Variants in URI1 observed in about 807,000 individuals in gnomAD.
The protein encoded by URI1 is URI1 prefoldin like chaperone, also known as unconventional prefoldin RPB5 interactor 1.
URI1 carries 39 observed loss-of-function variants against 60.2 expected under a neutral mutation model. The observed-to-expected ratio is 0.65, with a 90% CI of 0.50 to 0.85. URI1 has a LOEUF of 0.85. Among genes scored for constraint, URI1 ranks in the 40% least tolerant of loss-of-function variants. The pLI, the probability that URI1 is intolerant of heterozygous loss-of-function variation, is 0.00. For missense variants in URI1, 691 were observed against 665.9 expected (o/e 1.04, Z -0.42); for synonymous variants, 251 against 236.8 (o/e 1.06, Z -0.55).
At chr19:29,975,062 T>C (rs1314956181) in intron 2 of URI1, among the ~76,000 whole-genome samples, 4 of 152,040 alleles carry the variant, frequency 2.6e-5, no homozygotes, top group Non-Finnish European at 1.5e-5. Context: ...TGTATCTTTT[T>C]GGCAGAATGC....
intron 4 of URI1, among the ~76,000 whole-genome samples, chr19:29,994,990 C>T (rs977867215): frequency 1.3e-5 from 2 of 152,004 alleles, no homozygotes; most frequent in African/African-American, 4.8e-5. Context: ...CCATGTTGGC[C>T]AGGCTGATCT....
At chr19:29,962,402 C>T (rs1262087266) in intron 1 of URI1, among the ~76,000 whole-genome samples, 4 of 123,462 alleles carry the variant, frequency 3.2e-5, no homozygotes, top group African/African-American at 3.0e-5. Flanking sequence ...TTTATAGTAT[C>T]TTTTTTTTTT....
intron 10 of URI1, 47 bp from the exon 11 acceptor site, chr19:30,014,840 G>T: frequency 1.3e-6 from 2 of 1,526,214 alleles, no homozygotes; most frequent in Non-Finnish European, 8.9e-7. Context: ...GATTTTGTGG[G>T]TGTCTTATTT....
upstream of URI1, chr19:29,942,163 G>C: frequency 1.0e-6 from 1 of 966,394 alleles, no homozygotes; most frequent in East Asian, 1.1e-4. Flanking sequence ...TCCCCTGGGG[G>C]CGGGGCCTGC....
rs1204354808 is a variant in URI1, at chr19:30,005,663, A to T, written c.472A>T (p.Ile158Phe). Residue 158 changes from isoleucine to phenylalanine, a missense_variant, in exon 6 of 11, where the codon ATT (isoleucine) becomes TTT (phenylalanine). By Grantham distance (21) the Ile-to-Phe change is conservative. Transcript: ENST00000392271. ...LQKMSDAAGD[I>F]VDIREEIKCD... The stretch of plus-strand genomic sequence containing the variant: ...GTTTAAAAACCAGGCTGCAGGTGAT[A>T]TTGTTGACATACGAGAAGAAATTAA... 6.2e-7 allele frequency: 1 copy of T among 1,611,752 alleles called. No individual in the cohort carries two copies. The highest frequency in any genetic ancestry group is 8.5e-7 in the Non-Finnish European group (1 of 1,179,082).
chr19:29,968,412 T>C (rs1337381437), intron 1 of URI1, among the ~76,000 whole-genome samples: 1 of 152,102 alleles, frequency 6.6e-6, no homozygotes, highest in Non-Finnish European at 1.5e-5. Context: ...CGCTGCCTTA[T>C]GGTTACTTTT....
chr19:29,949,897 A>G lies in URI1; in HGVS notation c.117+7233A>G, dbSNP rs1340200079. On this transcript the variant is annotated intron_variant, in intron 1 of 10. Coordinates refer to ENST00000392271, the MANE Select transcript of URI1 (RefSeq NM_003796.3). ...TTCGGCTTGGCATCAGAGGGAGACC[A>G]TGGAGACAGAGGGAGAGGGAGACTG... Among the ~76,000 whole-genome samples the G allele has an allele frequency of 4.7e-5, 7 of 149,380 alleles. No homozygotes were observed. In the East Asian group the frequency reaches 8.3e-4, roughly 18 times the overall value.
chr19:29,957,051 A>C (rs1478001939), intron 1 of URI1: 1 of 564,544 alleles, frequency 1.8e-6, no homozygotes, highest in African/African-American at 1.9e-5. Flanking sequence ...TGCAAATTGG[A>C]TGATGTCATT....
At chr19:29,930,234 C>T (rs1002953647) in intron 1 of URI1, among the ~76,000 whole-genome samples, 4 of 152,150 alleles carry the variant, frequency 2.6e-5, no homozygotes, top group South Asian at 4.1e-4. Context: ...CCAATGAGCC[C>T]GGTTGATAGT....
intron 2 of URI1, among the ~76,000 whole-genome samples, chr19:29,978,850 A>ATATT (rs1467561098): frequency 6.6e-6 from 1 of 152,132 alleles, no homozygotes; most frequent in African/African-American, 2.4e-5. Context: ...AGGTTTTTAA[A>ATATT]TATTTGGTAG....
chr19:29,963,454 C>A (rs2055351430), intron 1 of URI1, among the ~76,000 whole-genome samples: 3 of 152,044 alleles, frequency 2.0e-5, no homozygotes, highest in South Asian at 4.1e-4. Flanking sequence ...CTGTAGATTT[C>A]AGTTCTCTAG....
chr19:29,943,994 C>T (rs575823728), intron 1 of URI1, among the ~76,000 whole-genome samples: 58 of 149,976 alleles, frequency 3.9e-4, no homozygotes, highest in African/African-American at 1.3e-3. Context: ...AAAAATTAGC[C>T]GGGCCATGGT....
intron 1 of URI1, among the ~76,000 whole-genome samples, chr19:29,961,513 T>A (rs1329501086): frequency 6.6e-6 from 1 of 152,146 alleles, no homozygotes; most frequent in Non-Finnish European, 1.5e-5. Context: ...CTGAATAATA[T>A]TCCATTGTAT....
intron 4 of URI1, among the ~76,000 whole-genome samples, chr19:30,003,856 A>G (rs2055906753): frequency 6.6e-6 from 1 of 152,082 alleles, no homozygotes; most frequent in African/African-American, 2.4e-5. Flanking sequence ...CCTCCTACCT[A>G]AAATAATGTT....
chr19:29,987,006 C>G (rs535692304), intron 4 of URI1, among the ~76,000 whole-genome samples: 8 of 152,046 alleles, frequency 5.3e-5, no homozygotes, highest in African/African-American at 1.9e-4. Flanking sequence ...TTTGTTTATC[C>G]GTGCTATTAT....
At chr19:29,980,612 T>TTAAA (rs1555742250) in intron 2 of URI1, among the ~76,000 whole-genome samples, 1 of 73,860 alleles carries the variant, frequency 1.4e-5, no homozygotes, top group Non-Finnish European at 2.2e-5. Context: ...TTTTTTTTCT[T>TTAAA]AAAAAAAAAA....
chr19:29,949,646 G>A (rs1414898845), intron 1 of URI1, among the ~76,000 whole-genome samples: 2 of 152,110 alleles, frequency 1.3e-5, no homozygotes, highest in East Asian at 1.9e-4. Flanking sequence ...ACGAGACTCC[G>A]TCTGCAATCC....
At chr19:29,959,415 C>T (rs79442214) in intron 1 of URI1, among the ~76,000 whole-genome samples, 2,663 of 152,272 alleles carry the variant, frequency 0.017, 91 homozygotes, top group African/African-American at 0.06. Context: ...GCTAGTCAGC[C>T]ACTGTGCCTG....
At chr19:29,945,923 T>A (rs1184871298) in intron 1 of URI1, among the ~76,000 whole-genome samples, 1 of 152,142 alleles carries the variant, frequency 6.6e-6, no homozygotes, top group Non-Finnish European at 1.5e-5. Context: ...AAAATTGGAA[T>A]GTTACTTTAA....
Sources: gnomAD v4.1 joint callset for allele counts (sites outside exome capture counted in the v4.1 genomes callset) on GRCh38, gnomAD v4.1.1 for gene constraint, MANE v1.5 for transcripts, NCBI Gene and HGNC (gene_info 2026-07-23, HGNC 2026-07-21) for gene names.